The following VPS13B variants were observed in gnomAD, a reference collection of about 807,000 sequenced individuals.
The protein encoded by VPS13B is intermembrane lipid transfer protein VPS13B.
A neutral mutation model predicts 426.4 loss-of-function variants in VPS13B; 285 were observed. That is an observed-to-expected ratio of 0.67 (90% CI 0.61 to 0.74). The LOEUF (loss-of-function observed/expected upper bound fraction) is 0.74. Among genes scored for constraint, VPS13B ranks in the 30% least tolerant of loss-of-function variants. VPS13B has a pLI of 0.00. For synonymous variants in VPS13B, 1,676 were observed against 1,676.4 expected (o/e 1.00, Z 0.01); for missense variants, 4,537 against 4,782.6 (o/e 0.95, Z 1.51).
At chr8:99,520,498 T>G (rs1335933756) in intron 29 of VPS13B, among the ~76,000 whole-genome samples, 2 of 151,928 alleles carry the variant, frequency 1.3e-5, no homozygotes, top group Non-Finnish European at 2.9e-5. Context: ...CTTTGTAATA[T>G]CCTTCAATAT....
intron 21 of VPS13B, among the ~76,000 whole-genome samples, chr8:99,423,783 T>C (rs1816517849): frequency 6.6e-6 from 1 of 152,206 alleles, no homozygotes. Context: ...GACAGTTTGT[T>C]ATAATTTCTG....
intron 17 of VPS13B, 55 bp downstream of exon 17, chr8:99,193,112 AAT>A: frequency 1.3e-6 from 2 of 1,554,344 alleles, no homozygotes; most frequent in South Asian, 2.2e-5. Flanking sequence ...AGAGGCAACT[AAT>A]ATTTTATTAT....
At position 99,438,053 on chromosome 8, in the gene VPS13B, T is replaced by G. The variant is rs568029590; in HGVS notation, c.3211-4348T>G. On this transcript the variant is annotated intron_variant, in intron 22 of 61. Transcript: ENST00000357162. ...TTTCCTCTTTTTTTTTTTTTTTTTT[T>G]GTACTCTCTGAGTTTTTCTGAGTGG... Among the ~76,000 whole-genome samples the G allele has an allele frequency of 1.3e-3, 187 of 147,488 alleles. 1 individual carries two copies. The South Asian group carries it at 0.014, about 11-fold the overall frequency.
At chr8:99,115,986 A>G in intron 7 of VPS13B, 112 bp downstream of exon 7, 2 of 1,099,560 alleles carry the variant, frequency 1.8e-6, no homozygotes, top group Non-Finnish European at 2.6e-6. Context: ...TTCTAATGAG[A>G]TGGGCTGATT....
At chr8:99,363,296 G>A (rs986912951) in intron 19 of VPS13B, among the ~76,000 whole-genome samples, 5 of 152,118 alleles carry the variant, frequency 3.3e-5, no homozygotes, top group African/African-American at 7.2e-5. Context: ...TCTTGGCACC[G>A]TTGTTGAAAA....
chr8:99,077,382 C>T (rs1412128147), intron 3 of VPS13B, among the ~76,000 whole-genome samples: 2 of 152,064 alleles, frequency 1.3e-5, no homozygotes, highest in African/African-American at 4.8e-5. Context: ...GTTGGTCAGG[C>T]TGGTCTCGAA....
intron 19 of VPS13B, among the ~76,000 whole-genome samples, chr8:99,289,193 C>G (rs1436303232): frequency 1.3e-5 from 2 of 152,052 alleles, no homozygotes; most frequent in African/African-American, 2.4e-5. Context: ...TTAATGGAAA[C>G]TAATGGAAGT....
intron 39 of VPS13B, among the ~76,000 whole-genome samples, chr8:99,749,415 C>A (rs1810279647): frequency 6.6e-6 from 1 of 151,952 alleles, no homozygotes; most frequent in African/African-American, 2.4e-5. Context: ...CCTCTGGTAA[C>A]CTTCCTTCTA....
At position 99,070,516 on chromosome 8, in the gene VPS13B, G is replaced by T. The variant is rs979858067; in HGVS notation, c.292-25796G>T. On this transcript the variant is annotated intron_variant, in intron 3 of 61. Coordinates refer to ENST00000357162, the MANE Select transcript of VPS13B (RefSeq NM_152564.5). ...TTGACTGCTTATGGCTGCCATGAAAGTAATGCTTGTTGCAAAATAATTCAA... is the reference window on the plus strand; with the variant it reads ...TTGACTGCTTATGGCTGCCATGAAATTAATGCTTGTTGCAAAATAATTCAA... Among the ~76,000 whole-genome samples the T allele has an allele frequency of 1.4e-4, 22 of 152,282 alleles. 1 individual carries two copies. The highest frequency in any genetic ancestry group is 5.3e-4 in the African/African-American group (22 of 41,552).
chr8:99,591,682 C>T (rs7387462), intron 33 of VPS13B, among the ~76,000 whole-genome samples: 6,092 of 152,216 alleles, frequency 0.04, 135 homozygotes, highest in East Asian at 0.06. Flanking sequence ...TATTGGCCCC[C>T]ACTCTCTTCT....
At chr8:99,334,750 T>C (rs1810729000) in intron 19 of VPS13B, among the ~76,000 whole-genome samples, 1 of 152,142 alleles carries the variant, frequency 6.6e-6, no homozygotes, top group African/African-American at 2.4e-5. Context: ...TGCTGCTGGA[T>C]TCGGTTTGCC....
intron 17 of VPS13B, among the ~76,000 whole-genome samples, chr8:99,198,568 G>A (rs1197945592): frequency 6.6e-6 from 1 of 151,900 alleles, no homozygotes; most frequent in African/African-American, 2.4e-5. Flanking sequence ...TAAAAGAATG[G>A]TGGCATATGT....
chr8:99,747,059 T>C (rs958987781), intron 39 of VPS13B, among the ~76,000 whole-genome samples: 1 of 152,156 alleles, frequency 6.6e-6, no homozygotes, highest in Non-Finnish European at 1.5e-5. Context: ...GGTTTGGATT[T>C]AGTCTTGTTC....
At chr8:99,815,252 A>C (rs147087779) in intron 44 of VPS13B, among the ~76,000 whole-genome samples, 2 of 152,198 alleles carry the variant, frequency 1.3e-5, no homozygotes, top group African/African-American at 2.4e-5. Flanking sequence ...GCCAATGTGT[A>C]GCTCCCATCT....
intron 2 of VPS13B, among the ~76,000 whole-genome samples, chr8:99,034,579 A>G (rs575992640): frequency 6.9e-4 from 105 of 152,150 alleles, no homozygotes; most frequent in Non-Finnish European, 1.3e-3. Flanking sequence ...TATCTTGCAC[A>G]TGCATACAAC....
chr8:99,807,605 C>G (rs758199790), intron 43 of VPS13B, among the ~76,000 whole-genome samples: 7 of 151,658 alleles, frequency 4.6e-5, no homozygotes, highest in Non-Finnish European at 8.8e-5. Flanking sequence ...CAAAGATATT[C>G]TGGTACTTTT....
At chr8:99,173,828 A>G (rs1488803027) in intron 16 of VPS13B, among the ~76,000 whole-genome samples, 2 of 152,228 alleles carry the variant, frequency 1.3e-5, no homozygotes, top group East Asian at 1.9e-4. Flanking sequence ...GCCTAAGACC[A>G]CACAGTTAAT....
At position 99,468,455 on chromosome 8, in the gene VPS13B, G is replaced by C. The variant is rs536809234; in HGVS notation, c.3666+821G>C. On this transcript the variant is annotated intron_variant, in intron 24 of 61. Coordinates refer to ENST00000357162, the MANE Select transcript of VPS13B (RefSeq NM_152564.5). ...TTTTTAAAAATATTATTTTTAAAAA[G>C]AAATATTAAAAAAAATTTAAATATT... is the stretch of plus-strand genomic sequence containing the variant. 3.3e-5 allele frequency among the ~76,000 whole-genome samples: 5 copies of C among 151,618 alleles called. No individual in the cohort carries two copies. In the South Asian group the frequency reaches 1.0e-3, roughly 32 times the overall value.
At chr8:99,282,681 A>G (rs569973896) in intron 19 of VPS13B, among the ~76,000 whole-genome samples, 1 of 152,300 alleles carries the variant, frequency 6.6e-6, no homozygotes, top group Non-Finnish European at 1.5e-5. Context: ...ACTAAAAATA[A>G]CGTTTTTTAC....
Sources: allele counts gnomAD v4.1 joint callset (sites outside exome capture counted in the v4.1 genomes callset), GRCh38; gene constraint gnomAD v4.1.1; transcripts MANE v1.5; gene names NCBI Gene and HGNC (gene_info 2026-07-23, HGNC 2026-07-21).